KHDC1: variants seen among roughly 807,000 people sequenced by gnomAD.
KHDC1 encodes KH domain containing 1, also known as KH homology domain-containing protein 1.
KHDC1 carries 21 observed loss-of-function variants against 24.7 expected under a neutral mutation model. The observed-to-expected ratio is 0.85, with a 90% CI of 0.60 to 1.23. KHDC1 has a LOEUF of 1.23. Among genes scored for constraint, KHDC1 ranks in the 50% most tolerant of loss-of-function variants. The probability of loss-of-function intolerance (pLI) is 0.00; values close to 1 mark genes in which losing one functional copy is unlikely to be tolerated. For synonymous variants in KHDC1, 98 were observed against 111.7 expected, an observed-to-expected ratio of 0.88 and a Z score of 0.77; for missense variants, 274 against 298.5, an observed-to-expected ratio of 0.92 and a Z score of 0.61.
intron 1 of KHDC1, among the ~76,000 whole-genome samples, chr6:73,303,466 T>C (rs1448087158): frequency 6.6e-6 from 1 of 152,166 alleles, no homozygotes; most frequent in Non-Finnish European, 1.5e-5. Flanking sequence ...GTCTGAAGTA[T>C]CTCCTCCACA....
At chr6:73,268,871 C>G (rs1767126441) in intron 2 of KHDC1, 1 of 153,614 alleles carries the variant, frequency 6.5e-6, no homozygotes, top group Non-Finnish European at 1.4e-5. Flanking sequence ...GCCCTGCGGT[C>G]GCACTCCTCA....
intron 2 of KHDC1, among the ~76,000 whole-genome samples, chr6:73,262,445 C>T (rs951693293): frequency 1.6e-4 from 25 of 152,210 alleles, no homozygotes; most frequent in African/African-American, 5.1e-4. Flanking sequence ...GGTCCAACAG[C>T]AGGCAACACC....
At position 73,254,469 on chromosome 6, in the gene KHDC1, AATAAATAAAT is replaced by A. The variant is rs1182150868; in HGVS notation, c.207-11949_207-11940del. 5.8e-3 allele frequency among the ~76,000 whole-genome samples: 151 copies of A among 26,020 alleles called. 2 individuals carry two copies. The South Asian group carries it at 0.11, about 20-fold the overall frequency. 17.1% of individuals were successfully genotyped at this position (26,020 alleles called of 152,430 possible). On this transcript the variant is annotated intron_variant, in intron 2 of 4. Coordinates refer to ENST00000370384, the Ensembl canonical transcript of KHDC1. Reference sequence around the variant, plus strand: ...GAATGAGACTCTGTCTTAAAATAAAAATAAATAAATAAATAAATAAATAAATAAATAAATA... The same window carrying A: ...GAATGAGACTCTGTCTTAAAATAAAAAAATAAATAAATAAATAAATAAATA...
At chr6:73,289,370 T>C (rs1213439410) in intron 2 of KHDC1, among the ~76,000 whole-genome samples, 1 of 132,708 alleles carries the variant, frequency 7.5e-6, no homozygotes, top group Non-Finnish European at 1.6e-5. Flanking sequence ...GAATAAAATC[T>C]GGGCCAACTA....
intron 2 of KHDC1, among the ~76,000 whole-genome samples, chr6:73,256,654 G>A (rs1766884756): frequency 6.6e-6 from 1 of 152,170 alleles, no homozygotes; most frequent in Non-Finnish European, 1.5e-5. Flanking sequence ...CCAAATATGT[G>A]ACAATAATAA....
chr6:73,270,867 T>C (rs1767165571), intron 2 of KHDC1, among the ~76,000 whole-genome samples: 2 of 151,980 alleles, frequency 1.3e-5, no homozygotes, highest in South Asian at 4.2e-4. Context: ...ATTTTTTGTA[T>C]TTTTAGTAGA....
rs7740021 is a variant in KHDC1 at position 73,263,779 on chromosome 6, G to A, written c.207-21249C>T. ...TGGGTTTCTTGTCATTGCTTCCTGC[G>A]GATTCCATTTTACTCCTGTTCGTTT... is the stretch of plus-strand genomic sequence containing the variant. On this transcript the variant is annotated intron_variant, in intron 2 of 4. Coordinates refer to ENST00000370384, the Ensembl canonical transcript of KHDC1. 2.4e-3 allele frequency among the ~76,000 whole-genome samples: 373 copies of A among 152,276 alleles called. 2 individuals are homozygous for A. The highest frequency in any genetic ancestry group is 8.2e-3 in the African/African-American group (342 of 41,552).
At chr6:73,278,168 C>T (rs1247592672) in intron 2 of KHDC1, among the ~76,000 whole-genome samples, 2 of 148,888 alleles carry the variant, frequency 1.3e-5, no homozygotes, top group Non-Finnish European at 3.0e-5. Flanking sequence ...CAAGCCACCA[C>T]GCCTGGCCAA....
At chr6:73,263,337 C>T (rs564276382) in intron 2 of KHDC1, 141 bp from the exon 1 acceptor site, 65 of 959,190 alleles carry the variant, frequency 6.8e-5, no homozygotes, top group Non-Finnish European at 7.7e-5. Flanking sequence ...GTCCAGGAAG[C>T]AAGGGTGGGA....
chr6:73,302,799 G>A (rs557894052), intron 1 of KHDC1, among the ~76,000 whole-genome samples: 4 of 152,258 alleles, frequency 2.6e-5, no homozygotes, highest in East Asian at 1.9e-4. Flanking sequence ...AAATCTGGCC[G>A]GGCGCGGTGG....
chr6:73,303,109 AT>A (rs1352874274), intron 1 of KHDC1, among the ~76,000 whole-genome samples: 1 of 152,198 alleles, frequency 6.6e-6, no homozygotes, highest in East Asian at 1.9e-4. Flanking sequence ...AAATCCTGTC[AT>A]TTTCGGTGAC....
intron 1 of KHDC1, chr6:73,292,596 C>T: frequency 2.6e-6 from 2 of 763,036 alleles, no homozygotes; most frequent in Non-Finnish European, 4.9e-6. Flanking sequence ...CAGCAGAGAG[C>T]ATGGCTCGTT....
chr6:73,241,872 C>A (rs1766575715), intron 4 of KHDC1, 144 bp from the exon 4 acceptor site: 1 of 1,062,948 alleles, frequency 9.4e-7, no homozygotes, highest in Non-Finnish European at 1.3e-6. Flanking sequence ...CTCCCAGCTA[C>A]CTCTCCACCT....
intron 2 of KHDC1, among the ~76,000 whole-genome samples, chr6:73,262,305 C>T (rs1336843287): frequency 6.6e-6 from 1 of 152,218 alleles, no homozygotes. Context: ...GCAAGTGCTA[C>T]GTAAATGTTA....
At chr6:73,297,177 A>C (rs1468637352) in intron 1 of KHDC1, among the ~76,000 whole-genome samples, 1 of 152,164 alleles carries the variant, frequency 6.6e-6, no homozygotes, top group East Asian at 1.9e-4. Context: ...CTAGGATTAC[A>C]GTCATGAGCC....
chr6:73,290,512 A>G, intron 2 of KHDC1: 1 of 398,784 alleles, frequency 2.5e-6, no homozygotes, highest in Non-Finnish European at 4.9e-6. Context: ...CTATATCATA[A>G]TCTTTTTTTT....
chr6:73,242,319 T>C lies in KHDC1; in HGVS notation c.332-82A>G, dbSNP rs1395008487. The C allele has an allele frequency of 1.6e-5, 26 of 1,607,064 alleles. No individual in the cohort carries two copies. The East Asian group carries it at 5.1e-4, about 32-fold the overall frequency. Reference sequence around the variant, plus strand: ...GGAGGTGGCCTTCAGGGTAGGAATATGTGACTGATGAAGGTGGGAGGGGAG... The same window carrying C: ...GGAGGTGGCCTTCAGGGTAGGAATACGTGACTGATGAAGGTGGGAGGGGAG... On this transcript the variant is annotated intron_variant, in intron 3 of 4. Transcript: ENST00000370384.
intron 1 of KHDC1, among the ~76,000 whole-genome samples, chr6:73,298,809 C>A (rs978056481): frequency 6.6e-6 from 1 of 152,078 alleles, no homozygotes; most frequent in Non-Finnish European, 1.5e-5. Context: ...ACAATCATAG[C>A]TCACTGCAGC....
intron 1 of KHDC1, among the ~76,000 whole-genome samples, chr6:73,305,842 T>C (rs1767952306): frequency 6.6e-6 from 1 of 152,052 alleles, no homozygotes; most frequent in Non-Finnish European, 1.5e-5. Context: ...GTATTTTTAG[T>C]AGAGACGGGG....
Sources: gnomAD v4.1 joint callset for allele counts (sites outside exome capture counted in the v4.1 genomes callset) on GRCh38, gnomAD v4.1.1 for gene constraint, MANE v1.5 for transcripts, NCBI Gene and HGNC (gene_info 2026-07-23, HGNC 2026-07-21) for gene names.